CCDC91: variants seen among roughly 807,000 people sequenced by gnomAD.
CCDC91 encodes the protein coiled-coil domain containing 91.
CCDC91 carries 48 observed loss-of-function variants against 63.2 expected under a neutral mutation model. That is an observed-to-expected ratio of 0.76 (90% CI 0.60 to 0.97). The LOEUF (loss-of-function observed/expected upper bound fraction) is 0.97, where lower values mean the gene tolerates loss of function less well. CCDC91 is among the 50% of genes least tolerant of loss of function. CCDC91 has a pLI of 0.00. For missense variants in CCDC91, 500 were observed against 494.6 expected, an observed-to-expected ratio of 1.01 and a Z score of -0.10; for synonymous variants, 167 against 165.8, an observed-to-expected ratio of 1.01 and a Z score of -0.06.
At chr12:28,239,595 T>C (rs898319847) in intron 1 of CCDC91, among the ~76,000 whole-genome samples, 2 of 152,154 alleles carry the variant, frequency 1.3e-5, no homozygotes, top group African/African-American at 4.8e-5. Context: ...TATGGAATAT[T>C]ATATGCTAGG....
At chr12:28,209,388 A>G (rs1225129104) in intron 1 of CCDC91, among the ~76,000 whole-genome samples, 1 of 152,226 alleles carries the variant, frequency 6.6e-6, no homozygotes, top group African/African-American at 2.4e-5. Context: ...AATTTGGCCA[A>G]TGTGTTCACA....
At chr12:28,313,114 A>G (rs1040039006) in intron 6 of CCDC91, among the ~76,000 whole-genome samples, 2 of 152,026 alleles carry the variant, frequency 1.3e-5, no homozygotes, top group African/African-American at 4.8e-5. Flanking sequence ...TTTAATATCA[A>G]GGTATCTAAC....
rs1183988459 is a variant in CCDC91, at chr12:28,267,795, TAATTATATAG to T, written c.109+8354_109+8363del. Reference sequence around the variant, plus strand: ...TATATTATTAATATATAATTATATATAATTATATAGTAATATATAATTATATTATTAATAT... The same window carrying T: ...TATATTATTAATATATAATTATATATTAATATATAATTATATTATTAATAT... On this transcript the variant is annotated intron_variant, in intron 3 of 12. Transcript: ENST00000536442. 1.2e-3 allele frequency among the ~76,000 whole-genome samples: 45 copies of T among 36,896 alleles called. 3 individuals are homozygous for T. Among genetic ancestry groups the T allele is most frequent in the Non-Finnish European group, 2.2e-3 (40 of 18,164 alleles). 24.2% of individuals were successfully genotyped at this position (36,896 alleles called of 152,430 possible).
intron 8 of CCDC91, among the ~76,000 whole-genome samples, chr12:28,413,759 T>G (rs1400462941): frequency 6.6e-6 from 1 of 152,168 alleles, no homozygotes; most frequent in Non-Finnish European, 1.5e-5. Context: ...ACCTTTATGC[T>G]CCCATGAAAT....
chr12:28,278,760 A>G (rs1592184404), intron 3 of CCDC91, among the ~76,000 whole-genome samples: 1 of 152,056 alleles, frequency 6.6e-6, no homozygotes, highest in East Asian at 1.9e-4. Flanking sequence ...GGAAAGTCCT[A>G]GTAAGAATTA....
At chr12:28,335,954 A>T (rs547141549) in intron 6 of CCDC91, among the ~76,000 whole-genome samples, 26 of 150,484 alleles carry the variant, frequency 1.7e-4, no homozygotes, top group Non-Finnish European at 2.8e-4. Context: ...TTTTTTTTTA[A>T]AAAAAAACCA....
intron 1 of CCDC91, among the ~76,000 whole-genome samples, chr12:28,204,505 C>G (rs1201170450): frequency 6.6e-6 from 1 of 152,068 alleles, no homozygotes; most frequent in African/African-American, 2.4e-5. Flanking sequence ...TTAGCAATTC[C>G]TAGTGTAAGC....
At chr12:28,502,693 C>T (rs1938092566) in intron 12 of CCDC91, among the ~76,000 whole-genome samples, 4 of 151,632 alleles carry the variant, frequency 2.6e-5, no homozygotes, top group Admixed American at 2.6e-4. Flanking sequence ...TACTACAAGG[C>T]TACAATAACC....
At chr12:28,291,454 C>T (rs1225047048) in intron 3 of CCDC91, among the ~76,000 whole-genome samples, 1 of 152,140 alleles carries the variant, frequency 6.6e-6, no homozygotes, top group Admixed American at 6.5e-5. Flanking sequence ...CAGTGCATCT[C>T]ATTGATTTGC....
chr12:28,455,240 G>C lies in CCDC91; in HGVS notation c.1101+2586G>C, dbSNP rs530298136. ...TCCAAAATTTTCAAATAAGTTTATA[G>C]ATATCATTTATTAATTAATCATATT... On this transcript the variant is annotated intron_variant, in intron 11 of 12. Coordinates refer to ENST00000536442, the MANE Select transcript of CCDC91 (RefSeq NM_018318.5). Among the ~76,000 whole-genome samples, 26 of 152,136 alleles carry C rather than the reference G, an allele frequency of 1.7e-4. No homozygotes were observed. The South Asian group carries it at 5.2e-3, about 30-fold the overall frequency.
chr12:28,295,880 G>A (rs11049512), intron 3 of CCDC91, among the ~76,000 whole-genome samples: 63,402 of 151,730 alleles, frequency 0.42, 13,536 homozygotes, highest in Middle Eastern at 0.49. Context: ...TTCAGAAATT[G>A]CTTAGAATTT....
At chr12:28,474,347 G>T (rs1473857909) in intron 11 of CCDC91, among the ~76,000 whole-genome samples, 1 of 151,964 alleles carries the variant, frequency 6.6e-6, no homozygotes, top group African/African-American at 2.4e-5. Flanking sequence ...AGTTTGTAAT[G>T]CACCAAACAG....
chr12:28,326,515 G>A (rs1393654134), intron 6 of CCDC91, among the ~76,000 whole-genome samples: 1 of 149,232 alleles, frequency 6.7e-6, no homozygotes, highest in Non-Finnish European at 1.5e-5. Context: ...TCGTCATCTA[G>A]CATTAGGTAT....
intron 6 of CCDC91, among the ~76,000 whole-genome samples, chr12:28,330,824 T>G (rs759478644): frequency 9.9e-5 from 15 of 152,178 alleles, no homozygotes; most frequent in Non-Finnish European, 1.9e-4. Flanking sequence ...GTTGTAGAGC[T>G]TATAACAATC....
intron 1 of CCDC91, among the ~76,000 whole-genome samples, chr12:28,234,436 C>T (rs1944800077): frequency 6.6e-6 from 1 of 152,120 alleles, no homozygotes. Context: ...CAAACTGTTA[C>T]AAATAGTCAA....
At chr12:28,248,423 G>A (rs1945906768) in intron 1 of CCDC91, among the ~76,000 whole-genome samples, 2 of 151,434 alleles carry the variant, frequency 1.3e-5, no homozygotes, top group South Asian at 4.1e-4. Flanking sequence ...TCCAGGGAGT[G>A]TATCTAAAGT....
chr12:28,488,531 T>C (rs1282546973), intron 12 of CCDC91, among the ~76,000 whole-genome samples: 1 of 151,840 alleles, frequency 6.6e-6, no homozygotes, highest in Non-Finnish European at 1.5e-5. Flanking sequence ...CATAATCTTT[T>C]TAGAAATTTC....
intron 8 of CCDC91, among the ~76,000 whole-genome samples, chr12:28,423,951 G>A (rs889202955): frequency 6.6e-6 from 1 of 152,166 alleles, no homozygotes; most frequent in Admixed American, 6.6e-5. Context: ...ATGCAGAGTT[G>A]TAGAACAGTT....
intron 12 of CCDC91, among the ~76,000 whole-genome samples, chr12:28,515,637 ATTC>A (rs1345814506): frequency 6.6e-6 from 1 of 151,956 alleles, no homozygotes; most frequent in African/African-American, 2.4e-5. Flanking sequence ...ATGCAGAATC[ATTC>A]TTTTTATTTA....
Sources: allele counts gnomAD v4.1 joint callset (sites outside exome capture counted in the v4.1 genomes callset), GRCh38; gene constraint gnomAD v4.1.1; transcripts MANE v1.5; gene names NCBI Gene and HGNC (gene_info 2026-07-23, HGNC 2026-07-21).